Variants in SYNE1 observed in about 807,000 individuals in gnomAD.
SYNE1 encodes spectrin repeat containing nuclear envelope protein 1, also known as nesprin-1.
Under a neutral mutation model 1,111.0 loss-of-function variants are expected in SYNE1, and 616 were observed. The ratio of observed to expected loss-of-function variants is 0.55; its 90% CI spans 0.52 to 0.59. The LOEUF (loss-of-function observed/expected upper bound fraction) is 0.59, where lower values mean the gene tolerates loss of function less well. SYNE1 is among the 20% of genes least tolerant of loss of function. The pLI, the probability that SYNE1 is intolerant of heterozygous loss-of-function variation, is 0.00. For missense variants in SYNE1, 10,006 were observed against 10,417.0 expected (o/e 0.96, Z 1.72); for synonymous variants, 3,855 against 3,825.8 (o/e 1.01, Z -0.28).
chr6:152,266,017 G>A (rs1374546447), intron 100 of SYNE1, among the ~76,000 whole-genome samples: 1 of 151,890 alleles, frequency 6.6e-6, no homozygotes, highest in Non-Finnish European at 1.5e-5. Context: ...ATGGTTAATT[G>A]TTTGCCTGGT....
At chr6:152,309,136 G>A (rs2095472074) in intron 90 of SYNE1, among the ~76,000 whole-genome samples, 1 of 152,070 alleles carries the variant, frequency 6.6e-6, no homozygotes, top group Non-Finnish European at 1.5e-5. Context: ...TGGGCAACAT[G>A]GTGACACCCC....
At chr6:152,253,853 T>TTTTTTTG (rs2090138064) in intron 104 of SYNE1, among the ~76,000 whole-genome samples, 2 of 118,844 alleles carry the variant, frequency 1.7e-5, no homozygotes, top group Non-Finnish European at 3.3e-5. Context: ...TTTTTTTTTT[T>TTTTTTTG]TTTTTTTGCA....
At chr6:152,363,260 C>A (rs1343521216) in intron 63 of SYNE1, among the ~76,000 whole-genome samples, 12 of 147,798 alleles carry the variant, frequency 8.1e-5, no homozygotes, top group African/African-American at 1.5e-4. Context: ...TTTGGGAGGC[C>A]AAGGCGGGTG....
chr6:152,319,886 C>T (rs1289317120), intron 84 of SYNE1: 6 of 152,222 alleles, frequency 3.9e-5, no homozygotes, highest in African/African-American at 1.2e-4. Flanking sequence ...TGGCTGTGCA[C>T]AGAGGTGCAC....
intron 3 of SYNE1, among the ~76,000 whole-genome samples, chr6:152,583,145 C>T (rs556155345): frequency 5.3e-5 from 8 of 152,300 alleles, no homozygotes; most frequent in African/African-American, 1.7e-4. Context: ...AAAGGGAATA[C>T]ATTAAATATA....
intron 119 of SYNE1, among the ~76,000 whole-genome samples, chr6:152,219,668 T>C (rs745536829): frequency 1.3e-5 from 2 of 152,238 alleles, no homozygotes; most frequent in African/African-American, 2.4e-5. Context: ...GTCTTCTATA[T>C]GTGTGGTCAC....
chr6:152,468,604 T>G (rs1458283693), intron 16 of SYNE1, among the ~76,000 whole-genome samples: 4 of 152,216 alleles, frequency 2.6e-5, no homozygotes, highest in Non-Finnish European at 4.4e-5. Context: ...GAGTTGGATG[T>G]ACATTCTCTT....
rs1465567749 is a variant in SYNE1 at position 152,409,134 on chromosome 6, T to C, written c.6474A>G (p.Lys2158=). Residue 2158 remains lysine (K), a synonymous_variant, in exon 44 of 146, where the codon AAA becomes AAG. Transcript: ENST00000367255. ...KGKHLLSELK[K]IHSSDFSLVK... is the part of the protein sequence containing the mutation. ...CCAAGCTGAAATCACTACTGTGAAT[T>C]TTCTTCAGCTCAGATAACAAGTGTT... 1 of 1,614,166 alleles carries C rather than the reference T, an allele frequency of 6.2e-7. No individual in the cohort carries two copies. The highest frequency in any genetic ancestry group is 8.5e-7 in the Non-Finnish European group (1 of 1,180,018).
chr6:152,138,465 C>T (rs890105145), intron 140 of SYNE1, among the ~76,000 whole-genome samples: 4 of 151,276 alleles, frequency 2.6e-5, no homozygotes, highest in African/African-American at 9.7e-5. Context: ...GAGCCAAGAT[C>T]GCACCACTGC....
At chr6:152,175,045 T>C (rs1586883280) in intron 130 of SYNE1, among the ~76,000 whole-genome samples, 1 of 142,966 alleles carries the variant, frequency 7.0e-6, no homozygotes, top group East Asian at 1.9e-4. Context: ...AATACAAAAA[T>C]TAGCCAGGTG....
intron 42 of SYNE1, among the ~76,000 whole-genome samples, chr6:152,412,991 A>G (rs1351148558): frequency 6.6e-6 from 1 of 151,924 alleles, no homozygotes; most frequent in Non-Finnish European, 1.5e-5. Flanking sequence ...AGCTGGCATT[A>G]CAGGCACCCT....
chr6:152,310,102 G>A (rs1377504851), intron 89 of SYNE1, 85 bp from the exon 90 acceptor site: 2 of 1,444,946 alleles, frequency 1.4e-6, no homozygotes, highest in Non-Finnish European at 1.9e-6. Flanking sequence ...TAGTTACGTT[G>A]CAAGTTATAA....
At chr6:152,363,674 T>C (rs2096991314) in intron 63 of SYNE1, 3 of 453,278 alleles carry the variant, frequency 6.6e-6, no homozygotes, top group Admixed American at 4.7e-5. Context: ...CACAGTCCAG[T>C]TGGACTTCTA....
chr6:152,461,598 T>C lies in SYNE1; in HGVS notation c.2393A>G (p.Lys798Arg). The part of the protein sequence containing the change: ...TMSKLKEQLT[K>R]VKECYSPLLY... ...TTGTGCATTAAATTATTTTCGCACCTTGGTTAGCTGCTCTTTGAGCTTTGA... is the reference window on the plus strand; with the variant it reads ...TTGTGCATTAAATTATTTTCGCACCCTGGTTAGCTGCTCTTTGAGCTTTGA... The change falls in exon 21 of 146, where the codon AAG (lysine) becomes AGG (arginine). Residue 798 changes from lysine (K) to arginine (R), a missense_variant and splice_region_variant. This residue lies in a region of SYNE1 where 1,971 missense variants were observed against 2,084.1 expected (regional missense o/e 0.95). Coordinates refer to ENST00000367255, the MANE Select transcript of SYNE1 (RefSeq NM_182961.4). The C allele has an allele frequency of 6.2e-7, 1 of 1,614,020 alleles. No homozygotes were observed. The highest frequency in any genetic ancestry group is 8.5e-7 in the Non-Finnish European group (1 of 1,179,926).
chr6:152,447,198 A>C (rs1359644518), intron 29 of SYNE1, among the ~76,000 whole-genome samples: 4 of 152,184 alleles, frequency 2.6e-5, no homozygotes, highest in Non-Finnish European at 4.4e-5. Flanking sequence ...TATAAGAGTA[A>C]AAACAGTGGA....
intron 131 of SYNE1, among the ~76,000 whole-genome samples, chr6:152,156,521 T>C (rs530936172): frequency 1.6e-4 from 25 of 152,352 alleles, no homozygotes; most frequent in Non-Finnish European, 3.1e-4. Context: ...AAGTCCTTGA[T>C]ATTGAATGCT....
At chr6:152,485,936 C>G (rs571834671) in intron 12 of SYNE1, among the ~76,000 whole-genome samples, 1 of 152,256 alleles carries the variant, frequency 6.6e-6, no homozygotes, top group East Asian at 1.9e-4. Flanking sequence ...GTGGCTCACA[C>G]CTGTAACCCC....
chr6:152,620,818 A>G (rs1216536563), intron 3 of SYNE1, among the ~76,000 whole-genome samples: 1 of 152,174 alleles, frequency 6.6e-6, no homozygotes, highest in Non-Finnish European at 1.5e-5. Flanking sequence ...TGAAGTGTCC[A>G]TATTATGAAA....
chr6:152,236,887 C>T lies in SYNE1; in HGVS notation c.20129G>A (p.Ser6710Asn), dbSNP rs1469056830. The T allele has an allele frequency of 4.3e-6, 7 of 1,614,070 alleles. No homozygotes were observed. Among genetic ancestry groups the T allele is most frequent in the East Asian group, 2.2e-5 (1 of 44,894 alleles). Residue 6710 changes from serine (S) to asparagine (N), a missense_variant, in exon 109 of 146, where the codon AGC becomes AAC. Around this residue, in one of 7 missense-constraint regions of SYNE1, gnomAD observed 2,182 missense variants for 2,287.8 expected, o/e 0.95. Transcript: ENST00000367255. Reference protein sequence around the residue: ...ELSRQLEVVESSIPSVGLVEE... With the variant: ...ELSRQLEVVENSIPSVGLVEE... The stretch of plus-strand genomic sequence containing the variant: ...CACCAGACCCACGCTTGGGATGCTG[C>T]TTTCCACCACCTCCAGCTGTCTGCT...
Sources: gnomAD v4.1 joint callset for allele counts (sites outside exome capture counted in the v4.1 genomes callset) on GRCh38, gnomAD v4.1.1 for gene constraint, gnomAD v4.1.1 regional missense constraint, MANE v1.5 for transcripts, NCBI Gene and HGNC (gene_info 2026-07-23, HGNC 2026-07-21) for gene names.